Variants in IL1RAPL2 observed in about 807,000 individuals in gnomAD.
IL1RAPL2 encodes the protein interleukin 1 receptor accessory protein like 2.
Under a neutral mutation model 44.1 loss-of-function variants are expected in IL1RAPL2, and 3 were observed. That is an observed-to-expected ratio of 0.07 (90% CI 0.03 to 0.18). The LOEUF (loss-of-function observed/expected upper bound fraction) is 0.18, where lower values mean the gene tolerates loss of function less well. Among genes scored for constraint, IL1RAPL2 ranks in the 10% least tolerant of loss-of-function variants. The pLI is 1.00. For synonymous variants in IL1RAPL2, 181 were observed against 178.8 expected, an observed-to-expected ratio of 1.01 and a Z score of -0.10; for missense variants, 391 against 496.4, an observed-to-expected ratio of 0.79 and a Z score of 2.02.
chrX:105,544,518 G>A (rs1031278463), intron 6 of IL1RAPL2, among the ~76,000 whole-genome samples: 8 of 110,921 alleles, frequency 7.2e-5, no homozygotes, highest in African/African-American at 2.3e-4. Context: ...CTGTATCTCA[G>A]AGTCAGTATG....
intron 6 of IL1RAPL2, among the ~76,000 whole-genome samples, chrX:105,708,292 T>C (rs2038181290): frequency 1.8e-5 from 2 of 111,749 alleles, no homozygotes; most frequent in African/African-American, 6.5e-5. Flanking sequence ...TATTCATTTA[T>C]TTTTTGAGGA....
At chrX:105,635,225 A>G (rs768263149) in intron 6 of IL1RAPL2, among the ~76,000 whole-genome samples, 1 of 111,783 alleles carries the variant, frequency 8.9e-6, no homozygotes, top group African/African-American at 3.2e-5. Context: ...GTGTAGAAGG[A>G]AAGACGATGA....
At position 105,485,024 on chromosome X, in the gene IL1RAPL2, G is replaced by A. The variant is rs138738184; in HGVS notation, c.772+637G>A. Among the ~76,000 whole-genome samples the A allele has an allele frequency of 5.4e-5, 6 of 111,599 alleles. No homozygotes were observed. In the East Asian group the frequency reaches 8.5e-4, roughly 16 times the overall value. ...AGTACTGTAAGCTAAAAACTCAGAG[G>A]CCTGCTAGGATCTCTTTCAAATTGT... is the stretch of plus-strand genomic sequence containing the variant. On this transcript the variant is annotated intron_variant, in intron 6 of 10. Coordinates refer to ENST00000372582, the MANE Select transcript of IL1RAPL2 (RefSeq NM_017416.2).
rs151084306 is a variant in IL1RAPL2 at position 105,482,940 on chromosome X, T to C, written c.698-1373T>C. 6.2e-3 allele frequency among the ~76,000 whole-genome samples: 685 copies of C among 110,390 alleles called. 4 individuals are homozygous for C. Among genetic ancestry groups the C allele is most frequent in the Non-Finnish European group, 0.01 (530 of 52,767 alleles). On this transcript the variant is annotated intron_variant, in intron 5 of 10. Coordinates refer to ENST00000372582, the MANE Select transcript of IL1RAPL2 (RefSeq NM_017416.2). Reference sequence around the variant, plus strand: ...TCAGGATATAAACAATAGTTTGATATAAGTAAGGGTTGTTTTATGACAACA... The same window carrying C: ...TCAGGATATAAACAATAGTTTGATACAAGTAAGGGTTGTTTTATGACAACA...
chrX:105,574,773 C>G (rs187048267), intron 6 of IL1RAPL2, among the ~76,000 whole-genome samples: 1 of 111,008 alleles, frequency 9.0e-6, no homozygotes, highest in East Asian at 2.9e-4. Context: ...AATAGTGTTA[C>G]GTAGACTTGG....
At chrX:105,216,455 C>T (rs2033858999) in intron 3 of IL1RAPL2, among the ~76,000 whole-genome samples, 1 of 110,630 alleles carries the variant, frequency 9.0e-6, no homozygotes, top group Non-Finnish European at 1.9e-5. Context: ...TAAGAGAAGA[C>T]ACAAATGGAA....
chrX:104,824,880 C>T (rs1041257092), intron 2 of IL1RAPL2, among the ~76,000 whole-genome samples: 5 of 111,620 alleles, frequency 4.5e-5, no homozygotes, highest in Non-Finnish European at 9.4e-5. Context: ...ATCTCTACCT[C>T]ATTCAGTTCT....
At chrX:104,759,954 C>A (rs1175462138) in intron 2 of IL1RAPL2, among the ~76,000 whole-genome samples, 1 of 111,894 alleles carries the variant, frequency 8.9e-6, no homozygotes, top group Non-Finnish European at 1.9e-5. Flanking sequence ...CTATCCCCCA[C>A]AACACTTCCT....
chrX:105,419,258 C>G (rs893256764), intron 5 of IL1RAPL2, among the ~76,000 whole-genome samples: 1 of 111,616 alleles, frequency 9.0e-6, no homozygotes, highest in South Asian at 3.7e-4. Flanking sequence ...TATTATCAAT[C>G]CACTATTACT....
intron 4 of IL1RAPL2, among the ~76,000 whole-genome samples, chrX:105,266,004 T>G (rs184355147): frequency 9.0e-6 from 1 of 110,819 alleles, no homozygotes; most frequent in African/African-American, 3.3e-5. Context: ...CAAAATCAAT[T>G]TATTTATTGC....
At chrX:104,861,958 G>A (rs1922506328) in intron 2 of IL1RAPL2, among the ~76,000 whole-genome samples, 1 of 111,250 alleles carries the variant, frequency 9.0e-6, no homozygotes, top group African/African-American at 3.3e-5. Flanking sequence ...GTTTTAAAAA[G>A]AGAAGTTTGA....
At chrX:104,731,033 G>A (rs1931906468) in intron 2 of IL1RAPL2, among the ~76,000 whole-genome samples, 1 of 111,611 alleles carries the variant, frequency 9.0e-6, no homozygotes, top group African/African-American at 3.3e-5. Context: ...TTTGAGAAGT[G>A]TCTGTTCATA....
chrX:105,740,417 C>G (rs778970138), intron 7 of IL1RAPL2, 129 bp from the exon 8 acceptor site: 2 of 586,800 alleles, frequency 3.4e-6, no homozygotes, highest in African/African-American at 4.5e-5. Context: ...CCCACACATA[C>G]ACCCAGCCAG....
chrX:104,985,462 A>C (rs1367110309), intron 2 of IL1RAPL2, among the ~76,000 whole-genome samples: 1 of 111,779 alleles, frequency 8.9e-6, no homozygotes, highest in African/African-American at 3.2e-5. Flanking sequence ...CTCCTATCAA[A>C]TTTTTTAATT....
intron 6 of IL1RAPL2, among the ~76,000 whole-genome samples, chrX:105,645,831 G>A (rs927845662): frequency 4.6e-4 from 51 of 111,827 alleles, no homozygotes; most frequent in African/African-American, 1.3e-3. Flanking sequence ...TTATGTCTGC[G>A]GTCGCTGGCA....
chrX:105,240,396 C>T (rs1416742800), intron 4 of IL1RAPL2, among the ~76,000 whole-genome samples: 4 of 112,562 alleles, frequency 3.6e-5, no homozygotes, highest in Non-Finnish European at 7.5e-5. Context: ...GATAATCTGG[C>T]AAAGTGTCTT....
At chrX:105,025,436 C>T (rs1264722527) in intron 2 of IL1RAPL2, among the ~76,000 whole-genome samples, 1 of 111,361 alleles carries the variant, frequency 9.0e-6, no homozygotes, top group Non-Finnish European at 1.9e-5. Context: ...TCTTTGACTT[C>T]AGTGTGTTTC....
chrX:104,634,560 A>G (rs755889601), intron 1 of IL1RAPL2, among the ~76,000 whole-genome samples: 5 of 111,938 alleles, frequency 4.5e-5, no homozygotes, highest in South Asian at 3.8e-4. Context: ...TAGGATAGTT[A>G]GCTCTTCTTG....
At position 105,561,563 on chromosome X, in the gene IL1RAPL2, G is replaced by C. The variant is rs187011777; in HGVS notation, c.772+77176G>C. 2.8e-3 allele frequency among the ~76,000 whole-genome samples: 312 copies of C among 111,628 alleles called. 3 individuals carry two copies. The highest frequency in any genetic ancestry group is 9.5e-3 in the African/African-American group (292 of 30,707). ...CTAAATGAACGTGAGATTCCCACCA[G>C]CACAGAGGAATCAATATTTATCAAC... On this transcript the variant is annotated intron_variant, in intron 6 of 10. Coordinates refer to ENST00000372582, the MANE Select transcript of IL1RAPL2 (RefSeq NM_017416.2).
Sources: gnomAD v4.1 joint callset for allele counts (sites outside exome capture counted in the v4.1 genomes callset) on GRCh38, gnomAD v4.1.1 for gene constraint, MANE v1.5 for transcripts, NCBI Gene and HGNC (gene_info 2026-07-23, HGNC 2026-07-21) for gene names.